The following BZW1 variants were observed in gnomAD, a reference collection of about 807,000 sequenced individuals.
BZW1 encodes eIF5-mimic protein 2.
BZW1 carries 3 observed loss-of-function variants against 54.1 expected under a neutral mutation model. That is an observed-to-expected ratio of 0.06 (90% confidence interval 0.03 to 0.14). The LOEUF is 0.14. Ranked by LOEUF, BZW1 falls within the 10% of genes least tolerant of loss-of-function variation. The pLI is 1.00. For missense variants in BZW1, 206 were observed against 491.7 expected (o/e 0.42, Z 5.50); for synonymous variants, 152 against 162.7 (o/e 0.93, Z 0.50).
At chr2:200,819,776 T>C (rs1448137011) in intron 9 of BZW1, among the ~76,000 whole-genome samples, 4 of 152,128 alleles carry the variant, frequency 2.6e-5, no homozygotes. Flanking sequence ...CCTCAAGTGA[T>C]CCACCCGCCT....
intron 10 of BZW1, 118 bp from the exon 11 acceptor site, chr2:200,821,065 G>A: frequency 1.6e-6 from 2 of 1,224,030 alleles, no homozygotes; most frequent in Non-Finnish European, 2.3e-6. Flanking sequence ...ATTTCTCATG[G>A]ATGTTTTTAG....
chr2:200,818,636 G>A (rs2038382440), intron 8 of BZW1, 119 bp from the exon 9 acceptor site: 5 of 1,165,590 alleles, frequency 4.3e-6, no homozygotes, highest in Non-Finnish European at 6.0e-6. Context: ...TGGTACACAT[G>A]TGGTTGCCAG....
At chr2:200,816,776 A>G (rs1382390510) in intron 5 of BZW1, among the ~76,000 whole-genome samples, 1 of 152,178 alleles carries the variant, frequency 6.6e-6, no homozygotes, top group East Asian at 1.9e-4. Flanking sequence ...GTGTGAGCCA[A>G]CACGCCTGGC....
intron 10 of BZW1, 97 bp downstream of exon 10, chr2:200,820,217 G>A (rs1478220363): frequency 8.8e-7 from 1 of 1,142,462 alleles, no homozygotes; most frequent in Non-Finnish European, 1.2e-6. Flanking sequence ...TCAGCTCCCT[G>A]AAATATTTTA....
chr2:200,813,209 G>A lies in BZW1; in HGVS notation c.-9G>A, dbSNP rs2038156021. 6.2e-7 allele frequency: 1 copy of A among 1,612,608 alleles called. No individual in the cohort carries two copies. Among genetic ancestry groups the A allele is most frequent in the Non-Finnish European group, 8.5e-7 (1 of 1,179,134 alleles). On this transcript the variant is annotated splice_region_variant and 5_prime_UTR_variant, in exon 2 of 12. The change creates a new upstream start codon in the 5' untranslated region. Transcript: ENST00000409600. Reference sequence around the variant, plus strand: ...AAGGCTTTATTTCTCCTTTCCTAGGGTGTCTTTTATGAATAATCAAAAGCA... The same window carrying A: ...AAGGCTTTATTTCTCCTTTCCTAGGATGTCTTTTATGAATAATCAAAAGCA...
At position 200,816,381 on chromosome 2, in the gene BZW1, A is replaced by G. The variant is rs1332733807; in HGVS notation, c.393A>G (p.Glu131=). The change falls in exon 5 of 12, where the codon GAA becomes GAG. Residue 131 remains glutamate (E), a synonymous_variant. Transcript: ENST00000409600. ...YKYLEKGFED[E]VKKLLLFLKG... The stretch of plus-strand genomic sequence containing the variant: ...ACCTGGAGAAAGGTTTTGAAGATGA[A>G]GTAAAAAAGGTATGAGTAATAATGT... 6.9e-6 allele frequency: 11 copies of G among 1,584,578 alleles called. No individual in the cohort carries two copies. Among genetic ancestry groups the G allele is most frequent in the Middle Eastern group, 1.7e-4 (1 of 5,976 alleles).
At position 200,817,960 on chromosome 2, in the gene BZW1, A is replaced by G. The variant is rs1250796031; in HGVS notation, c.539-14A>G. On this transcript the variant is annotated splice_polypyrimidine_tract_variant and intron_variant, in intron 6 of 11. Coordinates refer to ENST00000409600, the MANE Select transcript of BZW1 (RefSeq NM_001207067.2). The stretch of plus-strand genomic sequence containing the variant: ...GGAAGGTACTTCTGTTAATTAAGCT[A>G]TTTTCTTTTACAGGAGTTTCAGCAG... The G allele has an allele frequency of 3.9e-6, 6 of 1,529,454 alleles. No individual in the cohort carries two copies. Among genetic ancestry groups the G allele is most frequent in the African/African-American group, 2.8e-5 (2 of 72,448 alleles). 94.7% of individuals were successfully genotyped at this position (1,529,454 alleles called of 1,614,324 possible). A position where few individuals can be genotyped will look rare whatever the true frequency, so the allele number is the denominator to read the frequency against.
chr2:200,812,488 G>A (rs2038110086), intron 1 of BZW1: 4 of 1,343,828 alleles, frequency 3.0e-6, no homozygotes, highest in Admixed American at 3.3e-5. Flanking sequence ...CACCGCAGGC[G>A]ACAGGGTCAG....
rs1179409798 is a variant in BZW1 at position 200,815,727 on chromosome 2, A to G, written c.302A>G (p.Gln101Arg). The G allele has an allele frequency of 3.8e-5, 61 of 1,587,874 alleles. No individual in the cohort carries two copies. Among genetic ancestry groups the G allele is most frequent in the Non-Finnish European group, 5.1e-5 (60 of 1,166,972 alleles). Residue 101 changes from glutamine to arginine, a missense_variant, in exon 4 of 12, where the codon CAA (glutamine) becomes CGA (arginine). By Grantham distance (43) the Gln-to-Arg change is conservative. This residue lies in a region of BZW1 where 81 missense variants were observed against 257.1 expected (regional missense o/e 0.32). Transcript: ENST00000409600. ...ACAGATGTCTGCGTGTTTGCAGCCC[A>G]AGAAGATCTAGAGACCATGCAAGCA... ...MRTDVCVFAA[Q>R]EDLETMQAFA...
At chr2:200,812,421 C>A in intron 1 of BZW1, 2 of 1,283,216 alleles carry the variant, frequency 1.6e-6, no homozygotes, top group Non-Finnish European at 2.0e-6. Context: ...TACGGGGCGC[C>A]TGGGGCCCCG....
rs762182538 is a variant in BZW1, at chr2:200,815,469, C to G, written c.193C>G (p.Arg65Gly). 6.2e-7 allele frequency: 1 copy of G among 1,613,866 alleles called. No homozygotes were observed. Among genetic ancestry groups the G allele is most frequent in the Non-Finnish European group, 8.5e-7 (1 of 1,179,880 alleles). Residue 65 changes from arginine to glycine, a missense_variant, in exon 3 of 12, where the codon CGA becomes GGA. By Grantham distance (125) the Arg-to-Gly change is moderately radical. Around this residue, in one of 5 missense-constraint regions of BZW1, gnomAD observed 81 missense variants for 257.1 expected, o/e 0.32. Transcript: ENST00000409600. ...DASGAKLDYR[R>G]YAETLFDILV... Reference sequence around the variant, plus strand: ...TTCTGGAGCAAAACTTGATTACCGTCGATATGCAGAAACACTCTTTGACAT... The same window carrying G: ...TTCTGGAGCAAAACTTGATTACCGTGGATATGCAGAAACACTCTTTGACAT...
At chr2:200,817,641 C>CT (rs34172011) in intron 6 of BZW1, among the ~76,000 whole-genome samples, 87 of 149,150 alleles carry the variant, frequency 5.8e-4, no homozygotes, top group African/African-American at 1.5e-3. Flanking sequence ...TTTTTTGAAG[C>CT]TTTTTTTTTT....
At position 200,826,399 on chromosome 2, in the gene BZW1, AGATAGATATTTTTTTTTTTTTTTT is replaced by A. The variant is rs1290960579; in HGVS notation, c.*4222_*4245del. 3.2e-5 allele frequency: 2 copies of A among 62,108 alleles called. No individual in the cohort carries two copies. Among genetic ancestry groups the A allele is most frequent in the African/African-American group, 6.2e-5 (1 of 16,132 alleles). The allele number at this position is 62,108 out of a possible 1,614,324, so 3.8% of individuals were successfully genotyped here. ...TAGATAGATAGATAGATAGATAGAT[AGATAGATATTTTTTTTTTTTTTTT>A]TTTTTTTTTTTTTTTTTTTGAGACA... is the stretch of plus-strand genomic sequence containing the variant. On this transcript the variant is annotated 3_prime_UTR_variant, in exon 12 of 12. Coordinates refer to ENST00000409600, the MANE Select transcript of BZW1 (RefSeq NM_001207067.2).
chr2:200,822,127 GTTT>G lies in BZW1; in HGVS notation c.1229-15_1229-13del, dbSNP rs762446462. ...GCCTTCTGATACATAATGTTTGACT[GTTT>G]TTTTCCCCTTTTCTAGAATCTGAAT... is the stretch of plus-strand genomic sequence containing the variant. On this transcript the variant is annotated splice_polypyrimidine_tract_variant and intron_variant, in intron 11 of 11. Transcript: ENST00000409600. 6.3e-7 allele frequency: 1 copy of G among 1,598,264 alleles called. No individual in the cohort carries two copies. Among genetic ancestry groups the G allele is most frequent in the Non-Finnish European group, 8.5e-7 (1 of 1,170,638 alleles).
intron 5 of BZW1, among the ~76,000 whole-genome samples, chr2:200,816,780 G>A (rs867975174): frequency 1.3e-5 from 2 of 152,118 alleles, no homozygotes; most frequent in African/African-American, 4.8e-5. Context: ...GAGCCAACAC[G>A]CCTGGCCCAA....
At position 200,825,753 on chromosome 2, in the gene BZW1, T is replaced by G. The variant is rs997496266; in HGVS notation, c.*3575T>G. ...AGGCATAACACTGATAAACCTCTGC[T>G]CTCATACTGAAGTAGGCTGCTTGCA... On this transcript the variant is annotated 3_prime_UTR_variant, in exon 12 of 12. Transcript: ENST00000409600. 4 of 152,238 alleles carry G rather than the reference T, an allele frequency of 2.6e-5. No individual in the cohort carries two copies. The highest frequency in any genetic ancestry group is 7.2e-5 in the African/African-American group (3 of 41,460). 9.4% of individuals were successfully genotyped at this position (152,238 alleles called of 1,614,324 possible). A position where few individuals can be genotyped will look rare whatever the true frequency, so the allele number is the denominator to read the frequency against.
chr2:200,818,482 G>T (rs1184796040), intron 8 of BZW1, 89 bp downstream of exon 8: 1 of 1,426,858 alleles, frequency 7.0e-7, no homozygotes, highest in African/African-American at 1.4e-5. Context: ...ACCAGGATGA[G>T]ATTGAGTTAA....
At chr2:200,820,634 A>G (rs1300750807) in intron 10 of BZW1, among the ~76,000 whole-genome samples, 1 of 152,042 alleles carries the variant, frequency 6.6e-6, no homozygotes, top group Admixed American at 6.6e-5. Context: ...GTGAACCATG[A>G]TTGTGCCACT....
At chr2:200,815,283 T>G (rs1196819744) in intron 2 of BZW1, 58 bp from the exon 3 acceptor site, 1 of 1,490,798 alleles carries the variant, frequency 6.7e-7, no homozygotes, top group African/African-American at 1.4e-5. Context: ...GGTGATAGTT[T>G]TGTGGCATTT....
Sources: allele counts gnomAD v4.1 joint callset (sites outside exome capture counted in the v4.1 genomes callset), GRCh38; gene constraint gnomAD v4.1.1; regional missense constraint gnomAD v4.1.1; transcripts MANE v1.5; gene names NCBI Gene and HGNC (gene_info 2026-07-23, HGNC 2026-07-21).